Variants in POTEC observed in about 807,000 individuals in gnomAD.
POTEC encodes the protein ANKRD26-like family B member 2.
In POTEC, 35 loss-of-function variants were observed where a neutral mutation model predicts 62.0. The ratio of observed to expected loss-of-function variants is 0.56; its 90% CI spans 0.43 to 0.75. The LOEUF is 0.75. POTEC is among the 30% of genes least tolerant of loss of function. The probability of loss-of-function intolerance (pLI) is 0.00; values close to 1 mark genes in which losing one functional copy is unlikely to be tolerated. For synonymous variants in POTEC, 156 were observed against 221.5 expected (o/e 0.70, Z 2.62); for missense variants, 472 against 655.9 (o/e 0.72, Z 3.06).
At chr18:14,540,024 T>C (rs1905879187) in intron 1 of POTEC, among the ~76,000 whole-genome samples, 1 of 152,212 alleles carries the variant, frequency 6.6e-6, no homozygotes. Context: ...GAGCAATACA[T>C]TTGTGATAGT....
At chr18:14,535,217 C>T (rs1368402641) in intron 3 of POTEC, among the ~76,000 whole-genome samples, 3 of 141,780 alleles carry the variant, frequency 2.1e-5, no homozygotes, top group Non-Finnish European at 4.5e-5. Context: ...ATCTCAAAAA[C>T]TCACTTTAAC....
rs559179259 is a variant in POTEC, at chr18:14,535,478, C to T, written c.811-471G>A. Among the ~76,000 whole-genome samples the T allele has an allele frequency of 2.4e-4, 37 of 152,192 alleles. 1 individual carries two copies. In the South Asian group the frequency reaches 7.7e-3, roughly 32 times the overall value. On this transcript the variant is annotated intron_variant, in intron 3 of 10. Coordinates refer to ENST00000358970, the MANE Select transcript of POTEC (RefSeq NM_001137671.2). Reference sequence around the variant, plus strand: ...CAATAAATATTGCTATTAATAATCACACTGCCCATTTCAAGAATTTTTCCA... The same window carrying T: ...CAATAAATATTGCTATTAATAATCATACTGCCCATTTCAAGAATTTTTCCA...
Position 14,543,294 on chromosome 18 carries a change from G to C in POTEC, c.-148C>G, listed in dbSNP as rs904928824. The C allele has an allele frequency of 9.5e-6, 13 of 1,368,684 alleles. No homozygotes were observed. The African/African-American group carries it at 1.3e-4, about 14-fold the overall frequency. The allele number at this position is 1,368,684 out of a possible 1,614,324, so 84.8% of individuals were successfully genotyped here. A position where few individuals can be genotyped will look rare whatever the true frequency, so the allele number is the denominator to read the frequency against. ...AAAACTTGCCAACCCCAGCAAGGGA[G>C]CCCAGTCCACCCCACCCAGGGAAAA... On this transcript the variant is annotated 5_prime_UTR_variant, in exon 1 of 11. Coordinates refer to ENST00000358970, the MANE Select transcript of POTEC (RefSeq NM_001137671.2).
chr18:14,520,699 C>G (rs1276022123), intron 9 of POTEC, among the ~76,000 whole-genome samples: 1 of 151,862 alleles, frequency 6.6e-6, no homozygotes, highest in Non-Finnish European at 1.5e-5. Flanking sequence ...ATTAGCAGCA[C>G]CTTCCTTTTA....
rs963889694 is a variant in POTEC, at chr18:14,509,547, T to C, written c.*2351A>G. 5.9e-5 allele frequency: 9 copies of C among 152,092 alleles called. No homozygotes were observed. Among genetic ancestry groups the C allele is most frequent in the African/African-American group, 2.2e-4 (9 of 41,390 alleles). 9.4% of individuals were successfully genotyped at this position (152,092 alleles called of 1,614,324 possible). A position where few individuals can be genotyped will look rare whatever the true frequency, so the allele number is the denominator to read the frequency against. ...CAAAGTGATGTAGGAAGTTTCCATA[T>C]AAAGGGCTGCAGTATGGAATGGTAA... On this transcript the variant is annotated 3_prime_UTR_variant, in exon 11 of 11. Coordinates refer to ENST00000358970, the MANE Select transcript of POTEC (RefSeq NM_001137671.2).
rs576598419 is a variant in POTEC, at chr18:14,542,937, G to A, written c.210C>T (p.Pro70=). 7 of 1,554,802 alleles carry A rather than the reference G, an allele frequency of 4.5e-6. No homozygotes were observed. In the African/African-American group the frequency reaches 5.5e-5, roughly 12 times the overall value. The change falls in exon 1 of 11, where the codon CCC becomes CCT. Residue 70 remains proline (P), a synonymous_variant. Coordinates refer to ENST00000358970, the MANE Select transcript of POTEC (RefSeq NM_001137671.2). Reference sequence around the variant, plus strand: ...TGCTCGTGCCGCTCCCCCTGCAGCAGGGGAAGCAGTGGTGGCAACACTTGC... The same window carrying A: ...TGCTCGTGCCGCTCCCCCTGCAGCAAGGGAAGCAGTGGTGGCAACACTTGC... ...KMGKCCHHCF[P]CCRGSGTSNV...
At chr18:14,538,773 G>A (rs1905836007) in intron 1 of POTEC, among the ~76,000 whole-genome samples, 1 of 152,128 alleles carries the variant, frequency 6.6e-6, no homozygotes. Flanking sequence ...AGGTAGCGCT[G>A]TACTGTATTT....
chr18:14,534,179 GT>G (rs1028934849), intron 4 of POTEC, among the ~76,000 whole-genome samples: 1 of 145,850 alleles, frequency 6.9e-6, no homozygotes, highest in Non-Finnish European at 1.5e-5. Flanking sequence ...GCGGTGTTTG[GT>G]TTTTTGTTCT....
chr18:14,512,856 C>T (rs572322834), intron 10 of POTEC, among the ~76,000 whole-genome samples: 1 of 152,234 alleles, frequency 6.6e-6, no homozygotes, highest in East Asian at 1.9e-4. Context: ...TAGTGATCCT[C>T]CACAAAATCA....
intron 4 of POTEC, among the ~76,000 whole-genome samples, chr18:14,533,875 C>CTT (rs564503459): frequency 0.15 from 21,285 of 141,114 alleles, 1,884 homozygotes; most frequent in East Asian, 0.44. Flanking sequence ...TTTTCTCTCT[C>CTT]TTTTTTTTTT....
At chr18:14,530,406 C>G in intron 6 of POTEC, 77 bp downstream of exon 6, 1 of 1,593,046 alleles carries the variant, frequency 6.3e-7, no homozygotes, top group Non-Finnish European at 8.6e-7. Context: ...GAAACACTGT[C>G]TTCCACAAAA....
chr18:14,518,548 G>A (rs1910226584), intron 9 of POTEC, among the ~76,000 whole-genome samples: 1 of 144,656 alleles, frequency 6.9e-6, no homozygotes, highest in Admixed American at 7.0e-5. Context: ...CCTTCCCTTC[G>A]TTACGTTAGA....
chr18:14,525,734 C>T (rs1392488976), intron 6 of POTEC, among the ~76,000 whole-genome samples: 1 of 151,412 alleles, frequency 6.6e-6, no homozygotes, highest in Non-Finnish European at 1.5e-5. Context: ...TAAATACAAT[C>T]CTCTTGTTTG....
At position 14,508,915 on chromosome 18, in the gene POTEC, T is replaced by G. The variant is rs1047206590; in HGVS notation, c.*2983A>C. On this transcript the variant is annotated 3_prime_UTR_variant, in exon 11 of 11. Transcript: ENST00000358970. ...TTTGGACAGGGTATTTTTCCTTTATTATATCTGATGACCTTGAGGATTTGA... is the reference window on the plus strand; with the variant it reads ...TTTGGACAGGGTATTTTTCCTTTATGATATCTGATGACCTTGAGGATTTGA... 1 of 152,210 alleles carries G rather than the reference T, an allele frequency of 6.6e-6. No individual in the cohort carries two copies. The highest frequency in any genetic ancestry group is 2.4e-5 in the African/African-American group (1 of 41,438). 9.4% of individuals were successfully genotyped at this position (152,210 alleles called of 1,614,324 possible). A position where few individuals can be genotyped will look rare whatever the true frequency, so the allele number is the denominator to read the frequency against.
chr18:14,524,060 A>G (rs538412263), intron 7 of POTEC, among the ~76,000 whole-genome samples: 16 of 152,320 alleles, frequency 1.1e-4, no homozygotes, highest in African/African-American at 3.8e-4. Context: ...TTAAATTTTA[A>G]TTGAAATTAT....
chr18:14,529,907 C>T (rs8095133), intron 6 of POTEC, among the ~76,000 whole-genome samples: 29,820 of 151,846 alleles, frequency 0.2, 3,353 homozygotes, highest in East Asian at 0.47. Flanking sequence ...TTTTTATCTA[C>T]GGTAGGACCA....
intron 6 of POTEC, among the ~76,000 whole-genome samples, chr18:14,526,464 T>A (rs1384184261): frequency 6.6e-6 from 1 of 152,116 alleles, no homozygotes; most frequent in South Asian, 2.1e-4. Flanking sequence ...GCTACATACA[T>A]GCTAGGTGTT....
At chr18:14,518,474 G>C (rs1427067716) in intron 9 of POTEC, among the ~76,000 whole-genome samples, 1 of 151,302 alleles carries the variant, frequency 6.6e-6, no homozygotes, top group Non-Finnish European at 1.5e-5. Flanking sequence ...AAGGTTAACA[G>C]CGTTGATGTC....
intron 10 of POTEC, among the ~76,000 whole-genome samples, chr18:14,513,373 C>A (rs865813505): frequency 3.9e-5 from 6 of 152,142 alleles, no homozygotes; most frequent in Non-Finnish European, 8.8e-5. Context: ...ATAATCAATT[C>A]TTATGAAAAA....
Sources: allele counts gnomAD v4.1 joint callset (sites outside exome capture counted in the v4.1 genomes callset), GRCh38; gene constraint gnomAD v4.1.1; transcripts MANE v1.5; gene names NCBI Gene and HGNC (gene_info 2026-07-23, HGNC 2026-07-21).